The following MAMDC2 variants were observed in gnomAD, a reference collection of about 807,000 sequenced individuals.
The protein encoded by MAMDC2 is MAM domain containing 2, also known as MAM domain-containing protein 2.
MAMDC2 carries 57 observed loss-of-function variants against 89.8 expected under a neutral mutation model. The observed-to-expected ratio is 0.63, with a 90% CI of 0.51 to 0.79. The LOEUF (loss-of-function observed/expected upper bound fraction) is 0.79, where lower values mean the gene tolerates loss of function less well. MAMDC2 is among the 30% of genes least tolerant of loss of function. The probability of loss-of-function intolerance (pLI) is 0.00; values close to 1 mark genes in which losing one functional copy is unlikely to be tolerated. For missense variants in MAMDC2, 800 were observed against 820.6 expected (o/e 0.97, Z 0.31); for synonymous variants, 313 against 293.4 (o/e 1.07, Z -0.68).
intron 11 of MAMDC2, among the ~76,000 whole-genome samples, chr9:70,206,225 C>G (rs2033220535): frequency 6.6e-6 from 1 of 152,116 alleles, no homozygotes; most frequent in Non-Finnish European, 1.5e-5. Context: ...ATGGGAAATT[C>G]CAGAACTGGC....
chr9:70,127,419 A>T (rs2030602481), intron 6 of MAMDC2, among the ~76,000 whole-genome samples: 1 of 150,258 alleles, frequency 6.7e-6, no homozygotes. Context: ...TGCTATAAAG[A>T]TTTGGAGCTA....
intron 6 of MAMDC2, among the ~76,000 whole-genome samples, chr9:70,130,050 G>C (rs1466548629): frequency 2.0e-5 from 3 of 151,702 alleles, no homozygotes; most frequent in Admixed American, 6.6e-5. Flanking sequence ...GTGTGTGAGA[G>C]TGTCTGCATC....
chr9:70,195,117 C>G (rs141410905), intron 11 of MAMDC2, among the ~76,000 whole-genome samples: 1 of 151,858 alleles, frequency 6.6e-6, no homozygotes, highest in Admixed American at 6.6e-5. Flanking sequence ...TAAAGAAAAA[C>G]ATTAAATGAA....
chr9:70,154,855 T>C (rs1410188984), intron 9 of MAMDC2, among the ~76,000 whole-genome samples: 1 of 152,096 alleles, frequency 6.6e-6, no homozygotes, highest in Non-Finnish European at 1.5e-5. Context: ...AACCAAGAAC[T>C]GTGATTCTTC....
At chr9:70,102,260 T>C (rs1261142995) in intron 2 of MAMDC2, among the ~76,000 whole-genome samples, 1 of 152,242 alleles carries the variant, frequency 6.6e-6, no homozygotes, top group East Asian at 1.9e-4. Context: ...CATAAGGTTT[T>C]AAACCTAGGT....
intron 2 of MAMDC2, among the ~76,000 whole-genome samples, chr9:70,069,550 A>G (rs998165632): frequency 2.0e-5 from 3 of 152,238 alleles, no homozygotes; most frequent in African/African-American, 7.2e-5. Flanking sequence ...TTTATTTAGA[A>G]TAGGATACCT....
chr9:70,117,625 T>A (rs527568862), intron 5 of MAMDC2, among the ~76,000 whole-genome samples: 7 of 146,072 alleles, frequency 4.8e-5, no homozygotes, highest in African/African-American at 1.0e-4. Flanking sequence ...AATGATGCTT[T>A]AAAAAAAAAA....
At chr9:70,206,297 GTTA>G (rs1378716292) in intron 11 of MAMDC2, among the ~76,000 whole-genome samples, 2 of 152,130 alleles carry the variant, frequency 1.3e-5, no homozygotes, top group African/African-American at 4.8e-5. Context: ...TTTATTGTGA[GTTA>G]TTGTTGTTAA....
chr9:70,195,798 A>G (rs1178592834), intron 11 of MAMDC2, among the ~76,000 whole-genome samples: 1 of 152,160 alleles, frequency 6.6e-6, no homozygotes, highest in African/African-American at 2.4e-5. Flanking sequence ...GATATGCCAA[A>G]GAGAAACCAT....
rs140999339 is a variant in MAMDC2 at position 70,212,782 on chromosome 9, C to A, written c.1652-5555C>A. On this transcript the variant is annotated intron_variant, in intron 11 of 13. Coordinates refer to ENST00000377182, the MANE Select transcript of MAMDC2 (RefSeq NM_153267.5). ...TCCTCCTATTTTATGGTACTAAATA[C>A]AAAGGTTCCTGGAACTGGAAACCTT... Among the ~76,000 whole-genome samples, 400 of 152,262 alleles carry A rather than the reference C, an allele frequency of 2.6e-3. 1 individual carries two copies. Among genetic ancestry groups the A allele is most frequent in the African/African-American group, 9.3e-3 (386 of 41,544 alleles).
intron 11 of MAMDC2, among the ~76,000 whole-genome samples, chr9:70,176,157 C>G (rs986185787): frequency 6.6e-6 from 1 of 152,292 alleles, no homozygotes; most frequent in Non-Finnish European, 1.5e-5. Flanking sequence ...TGTCATTATG[C>G]TAAAATAATG....
chr9:70,150,678 A>G (rs2031552688), intron 9 of MAMDC2, among the ~76,000 whole-genome samples: 1 of 152,172 alleles, frequency 6.6e-6, no homozygotes, highest in East Asian at 1.9e-4. Flanking sequence ...TTTTCCCTAA[A>G]TTCCAGACGA....
chr9:70,084,285 T>G lies in MAMDC2; in HGVS notation c.149-23926T>G, dbSNP rs568507590. ...ATCTTGGCCATAGTCTCTGAAGAAT[T>G]GTCACCCAGACAGCTCTCACTCAAG... On this transcript the variant is annotated intron_variant, in intron 2 of 13. Coordinates refer to ENST00000377182, the MANE Select transcript of MAMDC2 (RefSeq NM_153267.5). 2.0e-5 allele frequency among the ~76,000 whole-genome samples: 3 copies of G among 152,220 alleles called. No homozygotes were observed. In the East Asian group the frequency reaches 5.8e-4, roughly 29 times the overall value.
At chr9:70,179,869 AT>A (rs1435436489) in intron 11 of MAMDC2, among the ~76,000 whole-genome samples, 1 of 35,440 alleles carries the variant, frequency 2.8e-5, no homozygotes, top group Non-Finnish European at 6.2e-5. Flanking sequence ...TGGATAAAAT[AT>A]TCCTTTTTTT....
Position 70,109,757 on chromosome 9 carries a change from C to A in MAMDC2, c.458C>A (p.Ala153Asp). 1.9e-6 allele frequency: 3 copies of A among 1,614,010 alleles called. No individual in the cohort carries two copies. Among genetic ancestry groups the A allele is most frequent in the Non-Finnish European group, 2.5e-6 (3 of 1,179,890 alleles). The change falls in exon 4 of 14, where the codon GCC becomes GAC. Residue 153 changes from alanine to aspartate, a missense_variant. Transcript: ENST00000377182. ...IEGVLGQGNTASIALFEIKMT... is the reference protein window; with the variant it reads ...IEGVLGQGNTDSIALFEIKMT... ...GGTGTACTAGGACAGGGAAACACAG[C>A]CAGCATCGCACTATTTGAAATCAAG...
chr9:70,211,766 C>T (rs2033358513), intron 11 of MAMDC2, among the ~76,000 whole-genome samples: 1 of 152,164 alleles, frequency 6.6e-6, no homozygotes, highest in Non-Finnish European at 1.5e-5. Context: ...GTTTTATCTA[C>T]CTTTGGTCTT....
intron 11 of MAMDC2, among the ~76,000 whole-genome samples, chr9:70,204,842 C>G (rs1276980198): frequency 6.6e-6 from 1 of 152,224 alleles, no homozygotes; most frequent in Non-Finnish European, 1.5e-5. Flanking sequence ...TCACCCCTTT[C>G]TTTGACTTGG....
At chr9:70,148,709 A>G (rs986820752) in intron 9 of MAMDC2, among the ~76,000 whole-genome samples, 2 of 149,604 alleles carry the variant, frequency 1.3e-5, no homozygotes, top group Admixed American at 1.3e-4. Context: ...AGCCTAGCCA[A>G]CATGGTAATA....
intron 11 of MAMDC2, 148 bp from the exon 12 acceptor site, chr9:70,218,189 G>C: frequency 2.6e-6 from 2 of 757,732 alleles, no homozygotes; most frequent in Non-Finnish European, 4.1e-6. Flanking sequence ...ATTCTCCTTA[G>C]ATAATATGCA....
Sources: gnomAD v4.1 joint callset for allele counts (sites outside exome capture counted in the v4.1 genomes callset) on GRCh38, gnomAD v4.1.1 for gene constraint, MANE v1.5 for transcripts, NCBI Gene and HGNC (gene_info 2026-07-23, HGNC 2026-07-21) for gene names.